The following RAPGEF4 variants were observed in gnomAD, a reference collection of about 807,000 sequenced individuals.
RAPGEF4 encodes Rap guanine nucleotide exchange factor 4, also known as RAP guanine-nucleotide-exchange factor (GEF) 4.
RAPGEF4 carries 66 observed loss-of-function variants against 147.9 expected under a neutral mutation model. The ratio of observed to expected loss-of-function variants is 0.45; its 90% CI spans 0.37 to 0.55. The LOEUF (loss-of-function observed/expected upper bound fraction) is 0.55. RAPGEF4 is among the 20% of genes least tolerant of loss of function. The pLI, the probability that RAPGEF4 is intolerant of heterozygous loss-of-function variation, is 0.00. For synonymous variants in RAPGEF4, 419 were observed against 442.7 expected, an observed-to-expected ratio of 0.95 and a Z score of 0.67; for missense variants, 1,071 against 1,257.3, an observed-to-expected ratio of 0.85 and a Z score of 2.24.
At chr2:172,758,513 C>T (rs1695992769) in intron 1 of RAPGEF4, among the ~76,000 whole-genome samples, 1 of 152,118 alleles carries the variant, frequency 6.6e-6, no homozygotes, top group African/African-American at 2.4e-5. Flanking sequence ...TATAAGGAAG[C>T]TATTTCAGTA....
chr2:172,802,259 C>T (rs1687055599), intron 3 of RAPGEF4, among the ~76,000 whole-genome samples: 1 of 152,102 alleles, frequency 6.6e-6, no homozygotes, highest in Non-Finnish European at 1.5e-5. Flanking sequence ...TCATGCTGCT[C>T]AGAAAGACAT....
intron 4 of RAPGEF4, among the ~76,000 whole-genome samples, chr2:172,825,910 G>A (rs549710714): frequency 3.3e-5 from 5 of 152,136 alleles, no homozygotes; most frequent in Admixed American, 6.5e-5. Context: ...ATTTTTTGTC[G>A]CTTCTCTCAT....
chr2:172,748,540 T>C (rs917954083), intron 1 of RAPGEF4, among the ~76,000 whole-genome samples: 3 of 152,132 alleles, frequency 2.0e-5, no homozygotes, highest in Non-Finnish European at 4.4e-5. Flanking sequence ...GCTGCCCCCA[T>C]GATTCAGTTA....
chr2:172,752,934 A>G (rs17703556), intron 1 of RAPGEF4, among the ~76,000 whole-genome samples: 2,004 of 152,294 alleles, frequency 0.013, 20 homozygotes, highest in South Asian at 0.037. Flanking sequence ...TCAGCACTTC[A>G]CTGGATATTT....
intron 4 of RAPGEF4, among the ~76,000 whole-genome samples, chr2:172,817,305 T>C (rs1688605369): frequency 6.6e-6 from 1 of 152,182 alleles, no homozygotes; most frequent in African/African-American, 2.4e-5. Flanking sequence ...TAACTTTAGG[T>C]GCATGATTTG....
intron 6 of RAPGEF4, among the ~76,000 whole-genome samples, chr2:172,957,307 T>A (rs1434991141): frequency 6.6e-6 from 1 of 152,284 alleles, no homozygotes; most frequent in African/African-American, 2.4e-5. Flanking sequence ...ATTCTTTCTC[T>A]TATTTTTCTA....
At chr2:172,806,914 C>T (rs1190061047) in intron 3 of RAPGEF4, among the ~76,000 whole-genome samples, 2 of 152,168 alleles carry the variant, frequency 1.3e-5, no homozygotes, top group African/African-American at 2.4e-5. Context: ...ATTTGAAGAA[C>T]ATGTGTGTTT....
chr2:172,783,336 T>C (rs1384800409), intron 1 of RAPGEF4, among the ~76,000 whole-genome samples: 2 of 152,192 alleles, frequency 1.3e-5, no homozygotes, highest in African/African-American at 4.8e-5. Flanking sequence ...TCTTATCTCA[T>C]TTGGGATCTT....
intron 1 of RAPGEF4, among the ~76,000 whole-genome samples, chr2:172,789,391 G>A (rs953360789): frequency 6.6e-6 from 1 of 152,128 alleles, no homozygotes; most frequent in African/African-American, 2.4e-5. Context: ...GTCATAGGGG[G>A]CCACTTTATG....
chr2:172,830,872 A>G (rs1160684281), intron 4 of RAPGEF4, among the ~76,000 whole-genome samples: 1 of 152,230 alleles, frequency 6.6e-6, no homozygotes, highest in Non-Finnish European at 1.5e-5. Context: ...AACAGGGTAT[A>G]TATTGAAAAG....
At chr2:172,777,586 C>G (rs574827922) in intron 1 of RAPGEF4, among the ~76,000 whole-genome samples, 1 of 152,116 alleles carries the variant, frequency 6.6e-6, no homozygotes, top group South Asian at 2.1e-4. Context: ...GAAGACCCCC[C>G]CCATGCTAAA....
intron 17 of RAPGEF4, among the ~76,000 whole-genome samples, chr2:173,005,520 G>GTGTTTT (rs780856305): frequency 1.2e-5 from 1 of 86,718 alleles, no homozygotes; most frequent in South Asian, 4.3e-4. Context: ...GTTGTTTTGT[G>GTGTTTT]TTTTTTTTTT....
At chr2:172,810,537 A>G (rs568412540) in intron 3 of RAPGEF4, among the ~76,000 whole-genome samples, 67 of 152,324 alleles carry the variant, frequency 4.4e-4, no homozygotes, top group Admixed American at 8.5e-4. Flanking sequence ...GGAGTGATCC[A>G]GTGGACTGAG....
At chr2:172,918,247 C>CTTT (rs11332643) in intron 5 of RAPGEF4, among the ~76,000 whole-genome samples, 4 of 87,610 alleles carry the variant, frequency 4.6e-5, no homozygotes, top group Non-Finnish European at 6.5e-5. Flanking sequence ...CCACCTCTTG[C>CTTT]TTTTTTTTTT....
rs554319738 is a variant in RAPGEF4 at position 172,858,944 on chromosome 2, C to A, written c.444+44519C>A. On this transcript the variant is annotated intron_variant, in intron 4 of 30. Coordinates refer to ENST00000397081, the MANE Select transcript of RAPGEF4 (RefSeq NM_007023.4). Reference sequence around the variant, plus strand: ...CCTGAAATGTGAGTATTTAGCATTTCTGATGAGACATTTTATTTTATAATG... The same window carrying A: ...CCTGAAATGTGAGTATTTAGCATTTATGATGAGACATTTTATTTTATAATG... 3.1e-4 allele frequency among the ~76,000 whole-genome samples: 47 copies of A among 152,050 alleles called. 3 individuals carry two copies. The South Asian group carries it at 9.8e-3, about 32-fold the overall frequency.
intron 15 of RAPGEF4, among the ~76,000 whole-genome samples, chr2:172,994,116 C>T (rs1364793969): frequency 1.3e-5 from 2 of 152,222 alleles, no homozygotes; most frequent in Non-Finnish European, 2.9e-5. Context: ...GTATGAGTCA[C>T]ACGGCTAGCT....
chr2:172,899,384 C>A (rs1413094005), intron 4 of RAPGEF4, among the ~76,000 whole-genome samples: 1 of 152,194 alleles, frequency 6.6e-6, no homozygotes, highest in African/African-American at 2.4e-5. Context: ...GTGTTTGCAG[C>A]AGAAATCTGT....
chr2:172,748,081 A>G (rs1487883588), intron 1 of RAPGEF4, among the ~76,000 whole-genome samples: 2 of 152,200 alleles, frequency 1.3e-5, no homozygotes, highest in Admixed American at 6.5e-5. Flanking sequence ...ATCTGTCAAC[A>G]GACATTTAGG....
At chr2:172,786,879 C>T (rs1287051004) in intron 1 of RAPGEF4, among the ~76,000 whole-genome samples, 3 of 151,836 alleles carry the variant, frequency 2.0e-5, no homozygotes, top group South Asian at 2.1e-4. Flanking sequence ...ATAGCAAGAC[C>T]GCCATCTCTA....
Sources: allele counts gnomAD v4.1 joint callset (sites outside exome capture counted in the v4.1 genomes callset), GRCh38; gene constraint gnomAD v4.1.1; transcripts MANE v1.5; gene names NCBI Gene and HGNC (gene_info 2026-07-23, HGNC 2026-07-21).